The following GPR39 variants were observed in gnomAD, a reference collection of about 807,000 sequenced individuals.
GPR39 encodes zinc sensing receptor.
Under a neutral mutation model 18.4 loss-of-function variants are expected in GPR39, and 23 were observed. That is an observed-to-expected ratio of 1.25 (90% CI 0.90 to 1.77). The LOEUF (loss-of-function observed/expected upper bound fraction) is 1.77, where lower values mean the gene tolerates loss of function less well. Ranked by LOEUF, GPR39 falls within the 40% of genes most tolerant of loss-of-function variation. GPR39 has a pLI of 0.00. For missense variants in GPR39, 647 were observed against 602.4 expected (o/e 1.07, Z -0.78); for synonymous variants, 280 against 257.9 (o/e 1.09, Z -0.82).
chr2:132,496,697 C>A (rs527517085), intron 1 of GPR39, among the ~76,000 whole-genome samples: 6 of 152,302 alleles, frequency 3.9e-5, no homozygotes, highest in Middle Eastern at 3.4e-3. Context: ...TATGCAAATT[C>A]ATTGTGAGTT....
intron 1 of GPR39, among the ~76,000 whole-genome samples, chr2:132,540,779 G>C (rs1437377061): frequency 6.6e-6 from 1 of 152,148 alleles, no homozygotes; most frequent in Non-Finnish European, 1.5e-5. Context: ...AGCTAACTTG[G>C]AGCTGGGGCA....
At chr2:132,579,008 G>T (rs1162771601) in intron 1 of GPR39, among the ~76,000 whole-genome samples, 1 of 150,952 alleles carries the variant, frequency 6.6e-6, no homozygotes, top group African/African-American at 2.4e-5. Context: ...CCCTTTCATG[G>T]TTTTTTTCTC....
intron 1 of GPR39, among the ~76,000 whole-genome samples, chr2:132,504,548 C>T (rs764069998): frequency 1.3e-5 from 2 of 152,148 alleles, no homozygotes; most frequent in Non-Finnish European, 2.9e-5. Flanking sequence ...CCTGTGGACA[C>T]CCTTCAATCA....
chr2:132,559,052 A>G (rs1031540917), intron 1 of GPR39, among the ~76,000 whole-genome samples: 2 of 152,206 alleles, frequency 1.3e-5, no homozygotes, highest in African/African-American at 4.8e-5. Flanking sequence ...AGATAGTTGT[A>G]ATTATTTAAC....
intron 1 of GPR39, among the ~76,000 whole-genome samples, chr2:132,559,708 G>A (rs537274179): frequency 1.2e-3 from 175 of 152,024 alleles, no homozygotes; most frequent in Non-Finnish European, 1.7e-3. Flanking sequence ...ACAGCATTTC[G>A]CAGCGTAGTC....
intron 1 of GPR39, among the ~76,000 whole-genome samples, chr2:132,474,601 A>G (rs1327654938): frequency 1.3e-5 from 2 of 152,188 alleles, no homozygotes; most frequent in African/African-American, 4.8e-5. Flanking sequence ...TTGATTGTAC[A>G]AATCAAGCAA....
chr2:132,615,410 A>G (rs1007456740), intron 1 of GPR39, among the ~76,000 whole-genome samples: 1 of 152,164 alleles, frequency 6.6e-6, no homozygotes, highest in Non-Finnish European at 1.5e-5. Flanking sequence ...CGCAGGCATC[A>G]TTGCACAGTG....
At chr2:132,641,062 C>CGCCA (rs1404037606) in intron 1 of GPR39, among the ~76,000 whole-genome samples, 1 of 152,032 alleles carries the variant, frequency 6.6e-6, no homozygotes, top group African/African-American at 2.4e-5. Context: ...GGAAGAAAAG[C>CGCCA]GCCAGCCATT....
In GPR39 at chr2:132,548,300, G is replaced by A. The variant is rs544718380; in HGVS notation, c.857-96801G>A. Among the ~76,000 whole-genome samples the A allele has an allele frequency of 2.8e-4, 42 of 152,194 alleles. 1 individual carries two copies. The highest frequency in any genetic ancestry group is 5.6e-4 in the Non-Finnish European group (38 of 68,036). On this transcript the variant is annotated intron_variant, in intron 1 of 1. Transcript: ENST00000329321. Reference sequence around the variant, plus strand: ...TAACATACAGTGCACTATTGCTAAAGGTCTTCTGGAACATTCCACTTGGGG... The same window carrying A: ...TAACATACAGTGCACTATTGCTAAAAGTCTTCTGGAACATTCCACTTGGGG...
intron 1 of GPR39, among the ~76,000 whole-genome samples, chr2:132,532,057 A>G (rs1434895300): frequency 6.6e-6 from 1 of 152,186 alleles, no homozygotes; most frequent in East Asian, 1.9e-4. Context: ...CAATGAATCC[A>G]GGAGCTGGTT....
chr2:132,580,997 A>C (rs74412612), intron 1 of GPR39, among the ~76,000 whole-genome samples: 20 of 150,868 alleles, frequency 1.3e-4, no homozygotes, highest in Admixed American at 3.3e-4. Flanking sequence ...CCAAAAAAAA[A>C]CAACAAAAAA....
chr2:132,429,779 G>A (rs1484514259), intron 1 of GPR39, among the ~76,000 whole-genome samples: 1 of 152,200 alleles, frequency 6.6e-6, no homozygotes, highest in Non-Finnish European at 1.5e-5. Context: ...CCCTCCTAGG[G>A]GTTATATGAA....
intron 1 of GPR39, among the ~76,000 whole-genome samples, chr2:132,519,866 C>T (rs1184913354): frequency 1.3e-5 from 2 of 152,178 alleles, no homozygotes; most frequent in African/African-American, 4.8e-5. Context: ...CTGTTTCCAG[C>T]CCTGTCCTCC....
chr2:132,608,645 T>C (rs542927187), intron 1 of GPR39, among the ~76,000 whole-genome samples: 2 of 152,206 alleles, frequency 1.3e-5, no homozygotes, highest in Non-Finnish European at 2.9e-5. Flanking sequence ...TAAAGTAGCC[T>C]GGCAGGGCTT....
At chr2:132,450,730 C>T (rs1680617559) in intron 1 of GPR39, among the ~76,000 whole-genome samples, 1 of 152,232 alleles carries the variant, frequency 6.6e-6, no homozygotes. Context: ...TGAACTTCTT[C>T]CCTCTACTCT....
rs561921184 is a variant in GPR39, at chr2:132,548,925, C to T, written c.857-96176C>T. 1.2e-4 allele frequency among the ~76,000 whole-genome samples: 19 copies of T among 152,320 alleles called. No homozygotes were observed. In the South Asian group the frequency reaches 3.5e-3, roughly 28 times the overall value. On this transcript the variant is annotated intron_variant, in intron 1 of 1. Transcript: ENST00000329321. ...AACAAATGTTACTTAGGGAAACCGTCTCTGACCCCCTGGAATTGGCCAGGT... is the reference window on the plus strand; with the variant it reads ...AACAAATGTTACTTAGGGAAACCGTTTCTGACCCCCTGGAATTGGCCAGGT...
intron 1 of GPR39, among the ~76,000 whole-genome samples, chr2:132,640,239 T>G (rs1268848358): frequency 2.0e-5 from 3 of 152,146 alleles, no homozygotes; most frequent in Admixed American, 2.0e-4. Context: ...TTAATGCACT[T>G]AAGATGAAAC....
intron 1 of GPR39, among the ~76,000 whole-genome samples, chr2:132,466,013 A>AT (rs146498431): frequency 3.3e-4 from 50 of 152,196 alleles, no homozygotes; most frequent in African/African-American, 6.3e-4. Flanking sequence ...AAAAAAGAGG[A>AT]TTTTTTTTAA....
intron 1 of GPR39, among the ~76,000 whole-genome samples, chr2:132,581,749 AC>A (rs2104823469): frequency 6.6e-6 from 1 of 152,268 alleles, no homozygotes; most frequent in East Asian, 1.9e-4. Context: ...CTTCAGGGCC[AC>A]CCTCTGCAGG....
Sources: gnomAD v4.1 joint callset for allele counts (sites outside exome capture counted in the v4.1 genomes callset) on GRCh38, gnomAD v4.1.1 for gene constraint, MANE v1.5 for transcripts, NCBI Gene and HGNC (gene_info 2026-07-23, HGNC 2026-07-21) for gene names.